The following WARS2 variants were observed in gnomAD, a reference collection of about 807,000 sequenced individuals.
The protein encoded by WARS2 is tryptophan--tRNA ligase, mitochondrial.
WARS2 carries 28 observed loss-of-function variants against 36.5 expected under a neutral mutation model. That is an observed-to-expected ratio of 0.77 (90% CI 0.57 to 1.05). The LOEUF (loss-of-function observed/expected upper bound fraction) is 1.05, where lower values mean the gene tolerates loss of function less well. WARS2 is among the 50% of genes least tolerant of loss of function. The pLI is 0.00. For missense variants in WARS2, 435 were observed against 456.8 expected (o/e 0.95, Z 0.44); for synonymous variants, 174 against 178.4 (o/e 0.98, Z 0.20).
chr1:119,094,919 T>A (rs1242592293), intron 1 of WARS2, among the ~76,000 whole-genome samples: 1 of 152,188 alleles, frequency 6.6e-6, no homozygotes, highest in East Asian at 1.9e-4. Flanking sequence ...TGCAAACCAG[T>A]ATCATCAGCC....
At chr1:119,054,436 T>A (rs1411859086) in intron 2 of WARS2, among the ~76,000 whole-genome samples, 1 of 152,118 alleles carries the variant, frequency 6.6e-6, no homozygotes, top group East Asian at 1.9e-4. Flanking sequence ...TAACTAGAAC[T>A]CTTGTATACT....
intron 1 of WARS2, among the ~76,000 whole-genome samples, chr1:119,108,544 TTA>T (rs1654402900): frequency 6.6e-6 from 1 of 151,206 alleles, no homozygotes; most frequent in Admixed American, 6.6e-5. Context: ...CTTCTTTCAT[TTA>T]TGATATAAGT....
At chr1:119,112,290 C>T (rs774661134) in intron 1 of WARS2, among the ~76,000 whole-genome samples, 7 of 152,130 alleles carry the variant, frequency 4.6e-5, no homozygotes, top group South Asian at 2.1e-4. Flanking sequence ...CCAACTCTGA[C>T]AACTTTATTA....
intron 2 of WARS2, among the ~76,000 whole-genome samples, chr1:119,060,115 T>G (rs973872755): frequency 6.6e-6 from 1 of 152,198 alleles, no homozygotes; most frequent in Non-Finnish European, 1.5e-5. Flanking sequence ...TTAACAATAT[T>G]GAGTTTTCCA....
chr1:119,137,458 A>G (rs1042178371), intron 1 of WARS2, among the ~76,000 whole-genome samples: 7 of 152,352 alleles, frequency 4.6e-5, no homozygotes, highest in Admixed American at 2.0e-4. Flanking sequence ...ATAATGAAAC[A>G]TGTTCAACTG....
At chr1:119,096,087 G>A (rs1653418926) in intron 1 of WARS2, among the ~76,000 whole-genome samples, 1 of 152,070 alleles carries the variant, frequency 6.6e-6, no homozygotes, top group South Asian at 2.1e-4. Flanking sequence ...TTGTCTTATT[G>A]TGCCTAATAA....
At chr1:119,043,367 C>G (rs1310388004) in intron 3 of WARS2, among the ~76,000 whole-genome samples, 2 of 152,148 alleles carry the variant, frequency 1.3e-5, no homozygotes, top group Non-Finnish European at 2.9e-5. Flanking sequence ...TTCCAGGGAC[C>G]AAGCTCATGA....
In WARS2 at chr1:119,076,555, T is replaced by C. The variant is rs1296437426; in HGVS notation, c.143A>G (p.His48Arg). ...FSGIQPTGIL[H>R]LGNYLGAIES... The stretch of plus-strand genomic sequence containing the variant: ...AATGGCTCCCAGGTAATTGCCCAGG[T>C]GGAGGATTCCTGTAGGTTGAATGCC... The change falls in exon 2 of 6, where the codon CAC (histidine) becomes CGC (arginine). Residue 48 changes from histidine (H) to arginine (R), a missense_variant. Transcript: ENST00000235521. 1 of 1,614,064 alleles carries C rather than the reference T, an allele frequency of 6.2e-7. No individual in the cohort carries two copies. Among genetic ancestry groups the C allele is most frequent in the African/African-American group, 1.3e-5 (1 of 74,912 alleles).
chr1:119,126,779 G>T, intron 1 of WARS2: 1 of 738,498 alleles, frequency 1.4e-6, no homozygotes, highest in South Asian at 1.3e-5. Context: ...TCAACTTATT[G>T]ACCACCTCTT....
chr1:119,135,604 TA>T (rs1656424038), intron 1 of WARS2, among the ~76,000 whole-genome samples: 1 of 152,032 alleles, frequency 6.6e-6, no homozygotes, highest in African/African-American at 2.4e-5. Context: ...ATGAAGTAAA[TA>T]AGATAAAGTA....
In WARS2 at chr1:119,140,594, C is replaced by A. The variant is rs141898658; in HGVS notation, c.51G>T (p.Arg17=). 1 of 1,613,902 alleles carries A rather than the reference C, an allele frequency of 6.2e-7. No individual in the cohort carries two copies. The highest frequency in any genetic ancestry group is 1.1e-5 in the South Asian group (1 of 91,054). ...CAGCTGCGGATCCCTTATGAAGTGC[C>A]CGGATGAAGCTCCAGCGCTCACGCG... ...RKARERWSFI[R]ALHKGSAAAP... The change falls in exon 1 of 6, where the codon CGG becomes CGT. Residue 17 remains arginine (R), a synonymous_variant. Transcript: ENST00000235521.
intron 1 of WARS2, among the ~76,000 whole-genome samples, chr1:119,123,318 G>T (rs926167141): frequency 2.0e-5 from 3 of 152,200 alleles, no homozygotes; most frequent in Non-Finnish European, 4.4e-5. Flanking sequence ...CAAGGAACAC[G>T]TGTGTCCCAT....
intron 2 of WARS2, among the ~76,000 whole-genome samples, chr1:119,048,590 G>GAAGGGTGT (rs1649055855): frequency 6.6e-6 from 1 of 152,194 alleles, no homozygotes; most frequent in African/African-American, 2.4e-5. Context: ...AGTGGGGAAA[G>GAAGGGTGT]AAGGGTGTGG....
chr1:119,046,285 G>C (rs1175152345), intron 2 of WARS2, among the ~76,000 whole-genome samples: 1 of 101,496 alleles, frequency 9.9e-6, no homozygotes, highest in South Asian at 4.1e-4. Context: ...CTCCTTTTCT[G>C]TTTTTTTTTT....
intron 1 of WARS2, among the ~76,000 whole-genome samples, chr1:119,125,707 T>A (rs1430032181): frequency 6.6e-6 from 1 of 152,184 alleles, no homozygotes; most frequent in Middle Eastern, 3.2e-3. Context: ...TTACACTTAT[T>A]CAGGCCTCTG....
chr1:119,089,517 G>A (rs910977266), intron 1 of WARS2, among the ~76,000 whole-genome samples: 1 of 152,200 alleles, frequency 6.6e-6, no homozygotes, highest in African/African-American at 2.4e-5. Context: ...CGTTGAACAT[G>A]TACAAAATAG....
intron 1 of WARS2, among the ~76,000 whole-genome samples, chr1:119,101,067 G>A (rs1264012401): frequency 6.6e-6 from 1 of 152,130 alleles, no homozygotes. Flanking sequence ...GATGAGTGTG[G>A]GTGAGAGGGG....
intron 2 of WARS2, chr1:119,047,332 A>C (rs560764492): frequency 6.6e-6 from 1 of 152,302 alleles, no homozygotes; most frequent in Admixed American, 6.5e-5. Context: ...GAAAACACAG[A>C]TAATAACCAT....
chr1:119,083,622 T>G (rs768100182), intron 1 of WARS2, among the ~76,000 whole-genome samples: 1 of 152,122 alleles, frequency 6.6e-6, no homozygotes, highest in African/African-American at 2.4e-5. Context: ...CAGGAAGAAA[T>G]GATAAAATAT....
Sources: allele counts gnomAD v4.1 joint callset (sites outside exome capture counted in the v4.1 genomes callset), GRCh38; gene constraint gnomAD v4.1.1; transcripts MANE v1.5; gene names NCBI Gene and HGNC (gene_info 2026-07-23, HGNC 2026-07-21).